The following ZC3H14 variants were observed in gnomAD, a reference collection of about 807,000 sequenced individuals.
ZC3H14 encodes the protein zinc finger CCCH-type containing 14.
A neutral mutation model predicts 92.4 loss-of-function variants in ZC3H14; 31 were observed. That is an observed-to-expected ratio of 0.34 (90% confidence interval 0.25 to 0.45). The LOEUF (loss-of-function observed/expected upper bound fraction) is 0.45. Among genes scored for constraint, ZC3H14 ranks in the 20% least tolerant of loss-of-function variants. ZC3H14 has a pLI of 1.00. For synonymous variants in ZC3H14, 321 were observed against 300.9 expected, an observed-to-expected ratio of 1.07 and a Z score of -0.69; for missense variants, 781 against 897.3, an observed-to-expected ratio of 0.87 and a Z score of 1.66.
At chr14:88,605,086 G>A (rs191548377) in intron 12 of ZC3H14, among the ~76,000 whole-genome samples, 5 of 152,216 alleles carry the variant, frequency 3.3e-5, no homozygotes, top group Admixed American at 1.3e-4. Context: ...GTATTATATT[G>A]TTCCTGAGTA....
intron 9 of ZC3H14, among the ~76,000 whole-genome samples, chr14:88,584,933 A>C (rs1009156771): frequency 2.0e-5 from 3 of 152,170 alleles, no homozygotes; most frequent in African/African-American, 7.2e-5. Context: ...AATGAATTTA[A>C]CATAAGAACC....
intron 3 of ZC3H14, among the ~76,000 whole-genome samples, chr14:88,568,891 C>CT (rs201778730): frequency 5.3e-5 from 8 of 151,372 alleles, no homozygotes; most frequent in East Asian, 3.9e-4. Flanking sequence ...ACTTCTATAT[C>CT]TTTTTTTTTG....
chr14:88,588,936 A>G (rs776302309), intron 9 of ZC3H14, among the ~76,000 whole-genome samples: 7 of 152,162 alleles, frequency 4.6e-5, no homozygotes, highest in Non-Finnish European at 8.8e-5. Flanking sequence ...TATTTTTCAT[A>G]GTATCTTACT....
At chr14:88,563,596 T>G (rs1595447779) in intron 1 of ZC3H14, 55 bp from the exon 2 acceptor site, 2 of 1,605,184 alleles carry the variant, frequency 1.2e-6, no homozygotes, top group Non-Finnish European at 1.7e-6. Context: ...CAGAGTCCGG[T>G]CTTGTTTTCC....
intron 14 of ZC3H14, 80 bp from the exon 15 acceptor site, chr14:88,609,632 C>G (rs1566985771): frequency 6.5e-7 from 1 of 1,537,692 alleles, no homozygotes; most frequent in Non-Finnish European, 9.0e-7. Context: ...TTTTCACTTT[C>G]AAAAAAAACA....
chr14:88,611,604 T>G, intron 16 of ZC3H14, 141 bp from the exon 17 acceptor site: 1 of 909,374 alleles, frequency 1.1e-6, no homozygotes, highest in Non-Finnish European at 1.7e-6. Context: ...ATTGAATTAT[T>G]TTTAAAAATC....
chr14:88,602,815 A>T lies in ZC3H14; in HGVS notation c.1515-13A>T. On this transcript the variant is annotated splice_polypyrimidine_tract_variant and intron_variant, in intron 11 of 16. Coordinates refer to ENST00000251038, the MANE Select transcript of ZC3H14 (RefSeq NM_024824.5). ...TTTCCCTAATTCTATGGTATTTTTTATCTGTCTGGCAGAGATCTTGTACAA... is the reference window on the plus strand; with the variant it reads ...TTTCCCTAATTCTATGGTATTTTTTTTCTGTCTGGCAGAGATCTTGTACAA... 1 of 1,613,374 alleles carries T rather than the reference A, an allele frequency of 6.2e-7. No individual in the cohort carries two copies.
chr14:88,591,695 G>A (rs898431022), intron 9 of ZC3H14: 2 of 152,144 alleles, frequency 1.3e-5, no homozygotes, highest in Admixed American at 6.5e-5. Flanking sequence ...TATTGGTGTC[G>A]TCTTCTAGGC....
At chr14:88,579,888 A>G (rs1012467935) in intron 9 of ZC3H14, among the ~76,000 whole-genome samples, 3 of 152,252 alleles carry the variant, frequency 2.0e-5, no homozygotes, top group African/African-American at 4.8e-5. Flanking sequence ...TTTAAATAAT[A>G]CAAGACAAAG....
rs1372758691 is a variant in ZC3H14 at position 88,613,115 on chromosome 14, GAAGA to G, written c.*1370_*1373del. 4 of 152,306 alleles carry G rather than the reference GAAGA, an allele frequency of 2.6e-5. No homozygotes were observed. In the East Asian group the frequency reaches 7.7e-4, roughly 29 times the overall value. 9.4% of individuals were successfully genotyped at this position (152,306 alleles called of 1,614,324 possible). ...TGTTGCCATTGCTTTTCCATTGGGA[GAAGA>G]AAGAATTAACCAGTCATTAAACCAT... is the stretch of plus-strand genomic sequence containing the variant. On this transcript the variant is annotated 3_prime_UTR_variant, in exon 17 of 17. Transcript: ENST00000251038.
At position 88,602,099 on chromosome 14, in the gene ZC3H14, T is replaced by C. The variant is rs779675670; in HGVS notation, c.1514+16T>C. The stretch of plus-strand genomic sequence containing the variant: ...TGCAGACACGGTAGATGGTTTCTTT[T>C]TCTTGTGTAGTTAATTTGTGTGATT... On this transcript the variant is annotated intron_variant, in intron 11 of 16. Coordinates refer to ENST00000251038, the MANE Select transcript of ZC3H14 (RefSeq NM_024824.5). 1.9e-6 allele frequency: 3 copies of C among 1,613,582 alleles called. No homozygotes were observed. Among genetic ancestry groups the C allele is most frequent in the Non-Finnish European group, 2.5e-6 (3 of 1,179,610 alleles).
In ZC3H14 at chr14:88,627,161, A is replaced by T; in HGVS notation, c.*15410A>T. The T allele has an allele frequency of 1.0e-6, 1 of 985,930 alleles. No homozygotes were observed. Among genetic ancestry groups the T allele is most frequent in the Non-Finnish European group, 1.5e-6 (1 of 647,420 alleles). 61.1% of individuals were successfully genotyped at this position (985,930 alleles called of 1,614,324 possible). On this transcript the variant is annotated 3_prime_UTR_variant, in exon 17 of 17. Transcript: ENST00000251038. ...AAACAAAGGCTTAGAAGAGAGGCCA[A>T]TGGCCCCTGCTCTACTACCTAGCAA... is the stretch of plus-strand genomic sequence containing the variant.
intron 9 of ZC3H14, among the ~76,000 whole-genome samples, chr14:88,593,973 C>G (rs1457359273): frequency 6.6e-6 from 1 of 151,826 alleles, no homozygotes; most frequent in East Asian, 1.9e-4. Context: ...TAAGCCAAGG[C>G]TGAGTTCTTA....
In ZC3H14 at chr14:88,616,968, G is replaced by T; in HGVS notation, c.*5217G>T. The T allele has an allele frequency of 7.9e-7, 1 of 1,257,970 alleles. No homozygotes were observed. The highest frequency in any genetic ancestry group is 1.1e-6 in the Non-Finnish European group (1 of 890,732). 77.9% of individuals were successfully genotyped at this position (1,257,970 alleles called of 1,614,324 possible). A position where few individuals can be genotyped will look rare whatever the true frequency, so the allele number is the denominator to read the frequency against. On this transcript the variant is annotated 3_prime_UTR_variant, in exon 17 of 17. Coordinates refer to ENST00000251038, the MANE Select transcript of ZC3H14 (RefSeq NM_024824.5). ...AAGTTTCTTGGCAATTAATCTCTAA[G>T]TACCCTATCATGTTACTTAAAATAC...
In ZC3H14 at chr14:88,596,820, T is replaced by G. The variant is rs769126107; in HGVS notation, c.1354+12T>G. 16 of 1,612,032 alleles carry G rather than the reference T, an allele frequency of 9.9e-6. 1 individual carries two copies. In the South Asian group the frequency reaches 1.6e-4, roughly 17 times the overall value. On this transcript the variant is annotated intron_variant, in intron 10 of 16. Transcript: ENST00000251038. ...GCAGATGAGTCAAGGTTGGTAATGT[T>G]TCAAGTTGTACTGTAATCCAGCCAT...
chr14:88,576,561 T>C (rs1297693878), intron 8 of ZC3H14, among the ~76,000 whole-genome samples: 8 of 152,212 alleles, frequency 5.3e-5, no homozygotes, highest in African/African-American at 1.9e-4. Context: ...TGCAAACAAC[T>C]GATGGGTGTC....
intron 9 of ZC3H14, among the ~76,000 whole-genome samples, chr14:88,580,540 A>C (rs1211744731): frequency 2.2e-5 from 1 of 44,594 alleles, no homozygotes; most frequent in African/African-American, 5.7e-5. Flanking sequence ...AGACAAGAAC[A>C]TTTTAAAAGT....
chr14:88,615,456 T>C lies in ZC3H14; in HGVS notation c.*3705T>C, dbSNP rs1365497341. 5.1e-6 allele frequency: 1 copy of C among 196,466 alleles called. No individual in the cohort carries two copies. Among genetic ancestry groups the C allele is most frequent in the African/African-American group, 2.3e-5 (1 of 43,264 alleles). 12.2% of individuals were successfully genotyped at this position (196,466 alleles called of 1,614,324 possible). On this transcript the variant is annotated 3_prime_UTR_variant, in exon 17 of 17. Transcript: ENST00000251038. ...TTAAGAAACCATTTTGCTAAAAAGATAATGAAAATTATCCAAATTGGGTTT... is the reference window on the plus strand; with the variant it reads ...TTAAGAAACCATTTTGCTAAAAAGACAATGAAAATTATCCAAATTGGGTTT...
In ZC3H14 at chr14:88,572,611, A is replaced by G. The variant is rs1287665094; in HGVS notation, c.465A>G (p.Leu155=). The change falls in exon 6 of 17, where the codon CTA becomes CTG. Residue 155 remains leucine, a synonymous_variant. Transcript: ENST00000251038. ...QTYDDGAATR[L]MSTVKPLREP... is the part of the protein sequence containing the mutation. ...ACGATGATGGAGCTGCAACCCGACT[A>G]ATGTCAACAGTGAAACCTTTGAGGG... 10 of 1,614,182 alleles carry G rather than the reference A, an allele frequency of 6.2e-6. No individual in the cohort carries two copies. The highest frequency in any genetic ancestry group is 7.6e-6 in the Non-Finnish European group (9 of 1,180,042).
Sources: allele counts gnomAD v4.1 joint callset (sites outside exome capture counted in the v4.1 genomes callset), GRCh38; gene constraint gnomAD v4.1.1; transcripts MANE v1.5; gene names NCBI Gene and HGNC (gene_info 2026-07-23, HGNC 2026-07-21).